The following NLRP8 variants were observed in gnomAD, a reference collection of about 807,000 sequenced individuals.
NLRP8 encodes the protein NACHT, LRR and PYD domains-containing protein 8.
Under a neutral mutation model 88.7 loss-of-function variants are expected in NLRP8, and 86 were observed. That is an observed-to-expected ratio of 0.97 (90% confidence interval 0.81 to 1.16). NLRP8 has a LOEUF of 1.16. Among genes scored for constraint, NLRP8 ranks in the 50% most tolerant of loss-of-function variants. The pLI is 0.00. For missense variants in NLRP8, 1,342 were observed against 1,286.5 expected, an observed-to-expected ratio of 1.04 and a Z score of -0.66; for synonymous variants, 504 against 494.6, an observed-to-expected ratio of 1.02 and a Z score of -0.25.
chr19:55,950,526 G>A lies in NLRP8; in HGVS notation c.368-2012G>A, dbSNP rs185726635. On this transcript the variant is annotated intron_variant, in intron 1 of 9. Transcript: ENST00000291971. ...TGTGCCTACTCATTAAAATGTATTC[G>A]TAACCCCCAAATCAATACTTACAGC... 2.3e-3 allele frequency among the ~76,000 whole-genome samples: 353 copies of A among 152,132 alleles called. 4 individuals carry two copies. Among genetic ancestry groups the A allele is most frequent in the African/African-American group, 7.9e-3 (329 of 41,490 alleles).
At chr19:55,980,468 C>T (rs182946907) in intron 9 of NLRP8, among the ~76,000 whole-genome samples, 11 of 152,242 alleles carry the variant, frequency 7.2e-5, no homozygotes, top group East Asian at 1.9e-4. Context: ...AATACGACAG[C>T]GATGTAACTG....
chr19:55,984,189 C>T (rs1400601048), intron 9 of NLRP8, among the ~76,000 whole-genome samples: 1 of 152,002 alleles, frequency 6.6e-6, no homozygotes, highest in African/African-American at 2.4e-5. Flanking sequence ...AACTGATAAT[C>T]CTGGTAAACC....
At position 55,955,913 on chromosome 19, in the gene NLRP8, G is replaced by T. The variant is rs1285331459; in HGVS notation, c.1855G>T (p.Glu619Ter). 10 of 1,614,186 alleles carry T rather than the reference G, an allele frequency of 6.2e-6. No homozygotes were observed. The highest frequency in any genetic ancestry group is 8.5e-6 in the Non-Finnish European group (10 of 1,180,034). ...CTACTGTCTGCATGAAATCCGGGAG[G>T]AAGCCTTTGTAAGCCAAGCCCTAAA... Residue 619 changes from glutamate (E) to a stop codon, truncating the protein, a stop_gained, in exon 3 of 10, where the codon GAA (glutamate) becomes TAA (stop). Transcript: ENST00000291971. LOFTEE classifies it high-confidence loss of function.
At chr19:55,970,801 T>G in intron 6 of NLRP8, 105 bp downstream of exon 6, 2 of 1,417,162 alleles carry the variant, frequency 1.4e-6, no homozygotes, top group Non-Finnish European at 1.9e-6. Flanking sequence ...GGTACATGTA[T>G]AGGAGCAAAC....
intron 6 of NLRP8, among the ~76,000 whole-genome samples, chr19:55,971,509 A>G (rs1980073776): frequency 6.6e-6 from 1 of 150,732 alleles, no homozygotes; most frequent in South Asian, 2.1e-4. Context: ...CCTGATCTAT[A>G]TCTTAGTGTT....
At chr19:55,966,441 C>A in intron 5 of NLRP8, 61 bp downstream of exon 5, 2 of 1,491,144 alleles carry the variant, frequency 1.3e-6, no homozygotes, top group Non-Finnish European at 9.2e-7. Flanking sequence ...TTTTCAAGGG[C>A]GGTGATGAGA....
At chr19:55,971,343 G>C (rs1256077205) in intron 6 of NLRP8, among the ~76,000 whole-genome samples, 1 of 151,120 alleles carries the variant, frequency 6.6e-6, no homozygotes, top group Non-Finnish European at 1.5e-5. Flanking sequence ...GGGAGGCTGA[G>C]GTAGGAGAAT....
intron 9 of NLRP8, among the ~76,000 whole-genome samples, chr19:55,985,666 A>G (rs1392067327): frequency 6.6e-6 from 1 of 152,234 alleles, no homozygotes; most frequent in African/African-American, 2.4e-5. Context: ...TTCATGACCT[A>G]AGGAGAGACC....
In NLRP8 at chr19:55,955,841, C is replaced by T; in HGVS notation, c.1783C>T (p.His595Tyr). 6.2e-7 allele frequency: 1 copy of T among 1,614,152 alleles called. No homozygotes were observed. Among genetic ancestry groups the T allele is most frequent in the Non-Finnish European group, 8.5e-7 (1 of 1,180,024 alleles). The change falls in exon 3 of 10, where the codon CAT becomes TAT. Residue 595 changes from histidine (H) to tyrosine (Y), a missense_variant. Physicochemically the swap from His to Tyr is moderately conservative, Grantham distance 83 (BLOSUM62 2). Transcript: ENST00000291971. ...ACTGCTGAAAGTCATACCTCTGTTG[C>T]ATAAATGTGACCCACCTTCTCCGGG...
At chr19:55,974,787 G>A (rs1980235071) in intron 7 of NLRP8, among the ~76,000 whole-genome samples, 1 of 151,326 alleles carries the variant, frequency 6.6e-6, no homozygotes, top group Non-Finnish European at 1.5e-5. Flanking sequence ...TGGGGCTCGT[G>A]GCATGAATGT....
At chr19:55,987,718 C>A in intron 9 of NLRP8, 1 of 861,564 alleles carries the variant, frequency 1.2e-6, no homozygotes, top group Non-Finnish European at 2.0e-6. Context: ...GGGGTACGGT[C>A]TGTAGAAAAA....
At position 55,954,660 on chromosome 19, in the gene NLRP8, G is replaced by C. The variant is rs1260849807; in HGVS notation, c.602G>C (p.Arg201Thr). The C allele has an allele frequency of 6.2e-7, 1 of 1,614,114 alleles. No homozygotes were observed. Residue 201 changes from arginine to threonine, a missense_variant, in exon 3 of 10, where the codon AGA (arginine) becomes ACA (threonine). Coordinates refer to ENST00000291971, the MANE Select transcript of NLRP8 (RefSeq NM_176811.2). ...CTTCTGCCCAAAAGACCCCAGGGTA[G>C]ACAGCCCAAGACCGTGGCCATACAG... is the stretch of plus-strand genomic sequence containing the variant.
Position 55,988,305 on chromosome 19 carries a change from G to C in NLRP8, c.*392G>C, listed in dbSNP as rs948517979. 6.2e-6 allele frequency: 1 copy of C among 161,378 alleles called. No individual in the cohort carries two copies. Among genetic ancestry groups the C allele is most frequent in the Admixed American group, 6.1e-5 (1 of 16,402 alleles). 10.0% of individuals were successfully genotyped at this position (161,378 alleles called of 1,614,324 possible). On this transcript the variant is annotated 3_prime_UTR_variant, in exon 10 of 10. Coordinates refer to ENST00000291971, the MANE Select transcript of NLRP8 (RefSeq NM_176811.2). ...AGCTGCTCGGGAGGCTGAGGCAGGAGAATCACTTGAATCTAGGAGGCAGAG... is the reference window on the plus strand; with the variant it reads ...AGCTGCTCGGGAGGCTGAGGCAGGACAATCACTTGAATCTAGGAGGCAGAG...
In NLRP8 at chr19:55,962,196, G is replaced by A. The variant is rs1184639040; in HGVS notation, c.2172G>A (p.Ala724=). The A allele has an allele frequency of 1.9e-5, 30 of 1,614,124 alleles. No homozygotes were observed. Among genetic ancestry groups the A allele is most frequent in the African/African-American group, 2.7e-5 (2 of 75,042 alleles). Residue 724 remains alanine (A), a synonymous_variant, in exon 4 of 10, where the codon GCG becomes GCA. Transcript: ENST00000291971. ...GGCCTCCTTTTTTGAAGGCTCTCGC[G>A]GCCGCACTGAGGCACCCTCAGTGCA...
chr19:55,952,657 T>C (rs961002964), intron 2 of NLRP8, 45 bp downstream of exon 2: 1 of 1,492,508 alleles, frequency 6.7e-7, no homozygotes, highest in Non-Finnish European at 9.3e-7. Context: ...AAATGGGCTA[T>C]GGACTGGGAT....
chr19:55,986,393 CAT>C (rs1389199898), intron 9 of NLRP8, among the ~76,000 whole-genome samples: 6 of 151,636 alleles, frequency 4.0e-5, no homozygotes, highest in East Asian at 1.9e-4. Flanking sequence ...CTCTCACACA[CAT>C]ACACACTGTC....
Position 55,962,159 on chromosome 19 carries a change from A to G in NLRP8, c.2135A>G (p.Asn712Ser). 6.2e-7 allele frequency: 1 copy of G among 1,614,192 alleles called. No individual in the cohort carries two copies. Among genetic ancestry groups the G allele is most frequent in the African/African-American group, 1.3e-5 (1 of 75,068 alleles). The change falls in exon 4 of 10, where the codon AAC becomes AGC. Residue 712 changes from asparagine to serine, a missense_variant. By Grantham distance (46) the Asn-to-Ser change is conservative (BLOSUM62 1). Coordinates refer to ENST00000291971, the MANE Select transcript of NLRP8 (RefSeq NM_176811.2). The stretch of plus-strand genomic sequence containing the variant: ...AAGCTGGAAGTCCTGACTATGACCA[A>G]CAGTGTTTTGGGGCCTCCTTTTTTG...
intron 2 of NLRP8, among the ~76,000 whole-genome samples, chr19:55,953,792 C>A (rs1353591950): frequency 3.6e-5 from 2 of 55,222 alleles, no homozygotes; most frequent in South Asian, 1.1e-3. Context: ...TGTGCCTGGC[C>A]TTTTTTTTTT....
At chr19:55,969,750 G>A (rs777778439) in intron 5 of NLRP8, among the ~76,000 whole-genome samples, 5 of 152,024 alleles carry the variant, frequency 3.3e-5, no homozygotes, top group Non-Finnish European at 5.9e-5. Context: ...ATCTGCCAGC[G>A]TTGCTCCTTT....
Sources: allele counts gnomAD v4.1 joint callset (sites outside exome capture counted in the v4.1 genomes callset), GRCh38; gene constraint gnomAD v4.1.1; transcripts MANE v1.5; gene names NCBI Gene and HGNC (gene_info 2026-07-23, HGNC 2026-07-21).